Variants in CSMD1 observed in about 807,000 individuals in gnomAD.
The protein encoded by CSMD1 is CUB and sushi domain-containing protein 1.
A neutral mutation model predicts 417.5 loss-of-function variants in CSMD1; 213 were observed. The ratio of observed to expected loss-of-function variants is 0.51; its 90% CI spans 0.46 to 0.57. The LOEUF (loss-of-function observed/expected upper bound fraction) is 0.57, where lower values mean the gene tolerates loss of function less well. CSMD1 is among the 20% of genes least tolerant of loss of function. The pLI, the probability that CSMD1 is intolerant of heterozygous loss-of-function variation, is 0.00. For missense variants in CSMD1, 6,923 were observed against 4,529.7 expected (o/e 1.53, Z -15.17); for synonymous variants, 2,862 against 1,736.8 (o/e 1.65, Z -16.11).
intron 1 of CSMD1, among the ~76,000 whole-genome samples, chr8:4,717,384 CAT>C (rs1174793005): frequency 2.2e-5 from 3 of 136,760 alleles, no homozygotes; most frequent in African/African-American, 9.8e-5. Flanking sequence ...TACACACACA[CAT>C]ATACATACAT....
intron 1 of CSMD1, among the ~76,000 whole-genome samples, chr8:4,795,679 T>A (rs1478423145): frequency 6.6e-6 from 1 of 152,142 alleles, no homozygotes; most frequent in South Asian, 2.1e-4. Context: ...AAAATAATTA[T>A]CTTCTGTGAA....
chr8:4,990,520 C>A lies in CSMD1; in HGVS notation c.85+3812G>T, dbSNP rs577488196. Among the ~76,000 whole-genome samples, 29 of 152,228 alleles carry A rather than the reference C, an allele frequency of 1.9e-4. No homozygotes were observed. In the East Asian group the frequency reaches 2.9e-3, roughly 15 times the overall value. ...CTGGGATTACAGGCATGCGCCACCA[C>A]GCCCAGCTAATTTCGTATTTTTTTT... is the stretch of plus-strand genomic sequence containing the variant. On this transcript the variant is annotated intron_variant, in intron 1 of 69. Transcript: ENST00000635120.
At chr8:4,859,467 A>G (rs998912844) in intron 1 of CSMD1, among the ~76,000 whole-genome samples, 26 of 152,198 alleles carry the variant, frequency 1.7e-4, no homozygotes, top group African/African-American at 6.0e-4. Context: ...ATCAGAGTGA[A>G]CAGGCAACCT....
intron 26 of CSMD1, among the ~76,000 whole-genome samples, chr8:3,262,867 A>AG (rs1390307248): frequency 1.3e-5 from 2 of 152,228 alleles, no homozygotes. Flanking sequence ...AAATAAGTAA[A>AG]TTACTTTTAT....
intron 1 of CSMD1, among the ~76,000 whole-genome samples, chr8:4,960,075 A>C (rs1415438431): frequency 6.6e-6 from 1 of 152,116 alleles, no homozygotes; most frequent in Non-Finnish European, 1.5e-5. Flanking sequence ...CACCATTGGG[A>C]CTCTAAAAAA....
intron 10 of CSMD1, among the ~76,000 whole-genome samples, chr8:3,560,358 T>C (rs1200223272): frequency 6.6e-6 from 1 of 152,140 alleles, no homozygotes; most frequent in Non-Finnish European, 1.5e-5. Context: ...TCACCACAGT[T>C]ATATGGCATA....
intron 10 of CSMD1, among the ~76,000 whole-genome samples, chr8:3,525,289 G>T (rs377180497): frequency 1.3e-5 from 2 of 152,120 alleles, no homozygotes; most frequent in Non-Finnish European, 2.9e-5. Context: ...CAAAGCAACA[G>T]ACCAGGTTAA....
At chr8:4,778,336 G>A (rs1585083855) in intron 1 of CSMD1, among the ~76,000 whole-genome samples, 1 of 152,082 alleles carries the variant, frequency 6.6e-6, no homozygotes, top group Non-Finnish European at 1.5e-5. Flanking sequence ...TGTGGCCTAT[G>A]ATATCCCCAT....
At chr8:4,147,200 C>T (rs935138505) in intron 3 of CSMD1, among the ~76,000 whole-genome samples, 2 of 152,080 alleles carry the variant, frequency 1.3e-5, no homozygotes, top group African/African-American at 4.8e-5. Flanking sequence ...CTCCCTCACA[C>T]AACTACTGAA....
In CSMD1 at chr8:3,996,666, C is replaced by G. The variant is rs1585102148; in HGVS notation, c.818+1237G>C. Among the ~76,000 whole-genome samples the G allele has an allele frequency of 3.3e-5, 5 of 152,218 alleles. No homozygotes were observed. In the South Asian group the frequency reaches 1.0e-3, roughly 32 times the overall value. ...TACAACCTACATTAAGCAGATTGGTCCTGGCTAATCTAAAAGTGTTGTTCA... is the reference window on the plus strand; with the variant it reads ...TACAACCTACATTAAGCAGATTGGTGCTGGCTAATCTAAAAGTGTTGTTCA... On this transcript the variant is annotated intron_variant, in intron 5 of 69. Coordinates refer to ENST00000635120, the MANE Select transcript of CSMD1 (RefSeq NM_033225.6).
At chr8:4,548,663 G>A (rs545797065) in intron 2 of CSMD1, among the ~76,000 whole-genome samples, 1 of 152,158 alleles carries the variant, frequency 6.6e-6, no homozygotes, top group Non-Finnish European at 1.5e-5. Context: ...TCACAATTAG[G>A]TGTTTGATTT....
intron 7 of CSMD1, among the ~76,000 whole-genome samples, chr8:3,707,114 G>A (rs1037700044): frequency 7.9e-5 from 12 of 152,068 alleles, no homozygotes; most frequent in South Asian, 2.1e-4. Flanking sequence ...CTCAACCTGC[G>A]CAGGACTGAG....
At chr8:3,919,650 T>A (rs887393898) in intron 5 of CSMD1, among the ~76,000 whole-genome samples, 4 of 152,266 alleles carry the variant, frequency 2.6e-5, no homozygotes, top group African/African-American at 9.6e-5. Context: ...TTTTATGACT[T>A]TTTTTTCTAT....
intron 1 of CSMD1, among the ~76,000 whole-genome samples, chr8:4,716,301 C>A (rs1808654837): frequency 6.6e-6 from 1 of 152,138 alleles, no homozygotes; most frequent in African/African-American, 2.4e-5. Context: ...AGAAAGGGCA[C>A]AAAGAAGGTC....
chr8:3,359,065 C>G, intron 21 of CSMD1, 87 bp downstream of exon 21: 1 of 1,314,624 alleles, frequency 7.6e-7, no homozygotes, highest in African/African-American at 1.4e-5. Context: ...CAACAAACCC[C>G]CACCCGACCC....
chr8:3,594,461 C>T (rs573749727), intron 8 of CSMD1, among the ~76,000 whole-genome samples: 2 of 152,194 alleles, frequency 1.3e-5, no homozygotes, highest in East Asian at 3.9e-4. Context: ...AAAACCACCA[C>T]AGCAAAACCC....
chr8:4,889,219 A>T (rs1278104234), intron 1 of CSMD1, among the ~76,000 whole-genome samples: 2 of 152,154 alleles, frequency 1.3e-5, no homozygotes, highest in Admixed American at 6.5e-5. Flanking sequence ...AGCTGGTATC[A>T]GTAGGAATGA....
intron 40 of CSMD1, among the ~76,000 whole-genome samples, chr8:3,144,759 A>T (rs1009476267): frequency 2.0e-5 from 3 of 148,668 alleles, no homozygotes. Context: ...AAGTGAGAAA[A>T]AAAGAAAGAA....
At chr8:3,179,162 G>A (rs77143885) in intron 37 of CSMD1, among the ~76,000 whole-genome samples, 2 of 151,318 alleles carry the variant, frequency 1.3e-5, no homozygotes, top group Admixed American at 6.6e-5. Context: ...AGCCAGGACT[G>A]TCTCGATCTC....
Sources: gnomAD v4.1 joint callset for allele counts (sites outside exome capture counted in the v4.1 genomes callset) on GRCh38, gnomAD v4.1.1 for gene constraint, MANE v1.5 for transcripts, NCBI Gene and HGNC (gene_info 2026-07-23, HGNC 2026-07-21) for gene names.